The following SEMA6D variants were observed in gnomAD, a reference collection of about 807,000 sequenced individuals.
The protein encoded by SEMA6D is semaphorin 6D.
A neutral mutation model predicts 106.6 loss-of-function variants in SEMA6D; 35 were observed. The ratio of observed to expected loss-of-function variants is 0.33; its 90% CI spans 0.25 to 0.44. The LOEUF (loss-of-function observed/expected upper bound fraction) is 0.44, where lower values mean the gene tolerates loss of function less well. Ranked by LOEUF, SEMA6D falls within the 20% of genes least tolerant of loss-of-function variation. SEMA6D has a pLI of 1.00. For synonymous variants in SEMA6D, 499 were observed against 487.7 expected, an observed-to-expected ratio of 1.02 and a Z score of -0.31; for missense variants, 1,185 against 1,345.9, an observed-to-expected ratio of 0.88 and a Z score of 1.87.
At chr15:47,646,463 A>T (rs78785830) in intron 4 of SEMA6D, among the ~76,000 whole-genome samples, 5,453 of 152,294 alleles carry the variant, frequency 0.036, 128 homozygotes, top group Non-Finnish European at 0.046. Flanking sequence ...AAGAAGAAGG[A>T]AACATTAGTG....
intron 1 of SEMA6D, among the ~76,000 whole-genome samples, chr15:47,255,893 A>G (rs946040626): frequency 2.0e-5 from 3 of 152,170 alleles, no homozygotes; most frequent in South Asian, 2.1e-4. Context: ...TTGAGGTTCA[A>G]AATGAACCTG....
At chr15:47,528,308 C>T (rs985905562) in intron 3 of SEMA6D, among the ~76,000 whole-genome samples, 1 of 152,172 alleles carries the variant, frequency 6.6e-6, no homozygotes, top group African/African-American at 2.4e-5. Context: ...AAGAAAGCCC[C>T]ACATCTAGAT....
At chr15:47,329,511 G>C (rs2037260134) in intron 1 of SEMA6D, among the ~76,000 whole-genome samples, 1 of 152,162 alleles carries the variant, frequency 6.6e-6, no homozygotes, top group Non-Finnish European at 1.5e-5. Context: ...ACTAATGTCA[G>C]AATATTTTAG....
intron 1 of SEMA6D, among the ~76,000 whole-genome samples, chr15:47,286,593 A>G (rs980925410): frequency 6.6e-6 from 1 of 152,134 alleles, no homozygotes; most frequent in Non-Finnish European, 1.5e-5. Context: ...CTAGATTCTA[A>G]TATCTTCCTC....
chr15:47,470,068 C>G (rs2042787079), intron 2 of SEMA6D, among the ~76,000 whole-genome samples: 1 of 151,736 alleles, frequency 6.6e-6, no homozygotes, highest in Non-Finnish European at 1.5e-5. Flanking sequence ...TCTACCAATA[C>G]CCAAATTAGT....
At chr15:47,597,742 T>G (rs1424984918) in intron 3 of SEMA6D, among the ~76,000 whole-genome samples, 1 of 151,460 alleles carries the variant, frequency 6.6e-6, no homozygotes, top group African/African-American at 2.4e-5. Context: ...GAGGGAGATG[T>G]TGGTCAAAGG....
intron 1 of SEMA6D, among the ~76,000 whole-genome samples, chr15:47,228,381 G>A (rs550182735): frequency 6.6e-6 from 1 of 151,858 alleles, no homozygotes; most frequent in African/African-American, 2.4e-5. Flanking sequence ...AATCTATGAG[G>A]ACTTAATAAA....
intron 1 of SEMA6D, among the ~76,000 whole-genome samples, chr15:47,270,720 G>A (rs1414570089): frequency 2.6e-5 from 4 of 152,064 alleles, no homozygotes; most frequent in Non-Finnish European, 5.9e-5. Context: ...CAGGCCGAAC[G>A]CGGTGGTTCA....
chr15:47,437,065 G>A (rs928125939), intron 2 of SEMA6D, among the ~76,000 whole-genome samples: 7 of 148,782 alleles, frequency 4.7e-5, no homozygotes, highest in Non-Finnish European at 1.0e-4. Context: ...GGGAAGGGGA[G>A]GGGAGGGGAG....
chr15:47,760,186 T>TATTCATTTATATTC (rs1242716702), intron 2 of SEMA6D, 118 bp from the exon 3 acceptor site: 5 of 714,186 alleles, frequency 7.0e-6, no homozygotes, highest in Non-Finnish European at 1.2e-5. Flanking sequence ...TTCAAGACCT[T>TATTCATTTATATTC]AAGAGAGGAA....
At position 47,765,873 on chromosome 15, in the gene SEMA6D, A is replaced by G; in HGVS notation, c.1432A>G (p.Ser478Gly). 6.6e-7 allele frequency: 1 copy of G among 1,511,050 alleles called. No homozygotes were observed. Among genetic ancestry groups the G allele is most frequent in the Non-Finnish European group, 8.8e-7 (1 of 1,130,184 alleles). 93.6% of individuals were successfully genotyped at this position (1,511,050 alleles called of 1,614,324 possible). The change falls in exon 14 of 19, where the codon AGT becomes GGT. Residue 478 changes from serine (S) to glycine (G), a missense_variant. Around this residue, in one of 3 missense-constraint regions of SEMA6D, gnomAD observed 750 missense variants for 783.5 expected, o/e 0.96. Transcript: ENST00000536845. ...EIEAYNHAKC[S>G]AENEEDKKVI... Reference sequence around the variant, plus strand: ...AAAATGTATCCCACAAAATAGGTGCAGTGCTGAGAATGAGGAAGACAAAAA... The same window carrying G: ...AAAATGTATCCCACAAAATAGGTGCGGTGCTGAGAATGAGGAAGACAAAAA...
chr15:47,742,929 C>A (rs1405281465), intron 1 of SEMA6D, among the ~76,000 whole-genome samples: 1 of 152,228 alleles, frequency 6.6e-6, no homozygotes, highest in East Asian at 1.9e-4. Context: ...ACCAGTCACA[C>A]TTTTTCCTCC....
chr15:47,702,591 T>C (rs1236895335), intron 4 of SEMA6D, among the ~76,000 whole-genome samples: 4 of 152,232 alleles, frequency 2.6e-5, no homozygotes, highest in African/African-American at 9.6e-5. Context: ...GCTTTGCTTA[T>C]AATGGCCAAA....
intron 4 of SEMA6D, among the ~76,000 whole-genome samples, chr15:47,641,077 G>A (rs1383191108): frequency 1.3e-5 from 2 of 152,174 alleles, no homozygotes; most frequent in African/African-American, 4.8e-5. Context: ...GGAGTGGGAG[G>A]GGGAGGAGTT....
chr15:47,517,627 C>T (rs2044431027), intron 3 of SEMA6D, among the ~76,000 whole-genome samples: 1 of 152,132 alleles, frequency 6.6e-6, no homozygotes, highest in African/African-American at 2.4e-5. Context: ...CCTTCCCACA[C>T]AGGAAATCTT....
Position 47,471,854 on chromosome 15 carries a change from C to A in SEMA6D, c.-87+1309C>A, listed in dbSNP as rs550345400. On this transcript the variant is annotated intron_variant, in intron 3 of 19. Transcript: ENST00000558014. Reference sequence around the variant, plus strand: ...TGTGTCAGGAGAATGGAAGACAATTCCTGAAATATACCAACCTCCGGTGAT... The same window carrying A: ...TGTGTCAGGAGAATGGAAGACAATTACTGAAATATACCAACCTCCGGTGAT... Among the ~76,000 whole-genome samples the A allele has an allele frequency of 4.0e-5, 6 of 150,690 alleles. No homozygotes were observed. In the East Asian group the frequency reaches 9.9e-4, roughly 25 times the overall value.
chr15:47,241,532 G>A (rs775297092), intron 1 of SEMA6D, among the ~76,000 whole-genome samples: 2 of 151,922 alleles, frequency 1.3e-5, no homozygotes, highest in African/African-American at 4.8e-5. Flanking sequence ...CTCTCCCCTA[G>A]CTGATTTCCA....
At chr15:47,185,496 G>A (rs1207296988) in intron 1 of SEMA6D, among the ~76,000 whole-genome samples, 1 of 151,932 alleles carries the variant, frequency 6.6e-6, no homozygotes, top group Non-Finnish European at 1.5e-5. Flanking sequence ...TTATTTTTTC[G>A]CCCCCTCCCT....
At chr15:47,493,413 AT>A (rs1401183187) in intron 3 of SEMA6D, among the ~76,000 whole-genome samples, 1 of 152,176 alleles carries the variant, frequency 6.6e-6, no homozygotes, top group African/African-American at 2.4e-5. Context: ...TCTCTTTAGA[AT>A]TGAAAACTTG....
Sources: gnomAD v4.1 joint callset for allele counts (sites outside exome capture counted in the v4.1 genomes callset) on GRCh38, gnomAD v4.1.1 for gene constraint, gnomAD v4.1.1 regional missense constraint, MANE v1.5 for transcripts, NCBI Gene and HGNC (gene_info 2026-07-23, HGNC 2026-07-21) for gene names.